Variants in FILIP1L observed in about 807,000 individuals in gnomAD.
The protein encoded by FILIP1L is filamin A-interacting protein 1-like.
Under a neutral mutation model 96.6 loss-of-function variants are expected in FILIP1L, and 55 were observed. The observed-to-expected ratio is 0.57, with a 90% CI of 0.46 to 0.71. FILIP1L has a LOEUF of 0.71. Among genes scored for constraint, FILIP1L ranks in the 30% least tolerant of loss-of-function variants. The pLI is 0.00. For missense variants in FILIP1L, 1,304 were observed against 1,321.2 expected, an observed-to-expected ratio of 0.99 and a Z score of 0.20; for synonymous variants, 467 against 473.9, an observed-to-expected ratio of 0.99 and a Z score of 0.19.
chr3:100,060,484 G>C (rs1373143997), intron 1 of FILIP1L, among the ~76,000 whole-genome samples: 1 of 151,854 alleles, frequency 6.6e-6, no homozygotes, highest in African/African-American at 2.4e-5. Flanking sequence ...CATTAGAATA[G>C]CATCTTCACC....
intron 4 of FILIP1L, among the ~76,000 whole-genome samples, chr3:99,892,215 G>A (rs1706104825): frequency 6.6e-6 from 1 of 152,156 alleles, no homozygotes; most frequent in Non-Finnish European, 1.5e-5. Flanking sequence ...GTTTTTCATA[G>A]TGCACTAGGC....
chr3:99,849,498 A>C lies in FILIP1L; in HGVS notation c.2178T>G (p.Ile726Met). 6.2e-7 allele frequency: 1 copy of C among 1,613,230 alleles called. No individual in the cohort carries two copies. The highest frequency in any genetic ancestry group is 8.5e-7 in the Non-Finnish European group (1 of 1,179,850). Residue 726 changes from isoleucine to methionine, a missense_variant, in exon 5 of 6, where the codon ATT (isoleucine) becomes ATG (methionine). Ile to Met is a conservative substitution (Grantham distance 10). Transcript: ENST00000477258. ...SREVDALKEK[I>M]HEYMATEDLI... ...GGTCTTCAGTTGCCATGTATTCATG[A>C]ATTTTCTCTTTTAATGCATCCACTT...
At chr3:99,852,821 CTCT>C (rs1231012804) in intron 4 of FILIP1L, among the ~76,000 whole-genome samples, 1 of 152,154 alleles carries the variant, frequency 6.6e-6, no homozygotes, top group Non-Finnish European at 1.5e-5. Flanking sequence ...TTCTAATCTG[CTCT>C]TTTCTGTAAT....
At position 100,014,562 on chromosome 3, in the gene FILIP1L, G is replaced by T. The variant is rs144706718; in HGVS notation, c.-10-83532C>A. ...AGATGTGAGGTGATATCTTATTGTG[G>T]TTTTAAATTTTGTTTCCCTGATGTC... is the stretch of plus-strand genomic sequence containing the variant. On this transcript the variant is annotated intron_variant, in intron 1 of 5. Coordinates refer to ENST00000477258, the MANE Select transcript of FILIP1L (RefSeq NM_001387850.1). 4.6e-3 allele frequency among the ~76,000 whole-genome samples: 704 copies of T among 152,040 alleles called. 5 individuals carry two copies. Among genetic ancestry groups the T allele is most frequent in the African/African-American group, 0.016 (671 of 41,484 alleles).
At chr3:99,952,925 T>C (rs1708219238) in intron 1 of FILIP1L, among the ~76,000 whole-genome samples, 1 of 152,146 alleles carries the variant, frequency 6.6e-6, no homozygotes, top group Admixed American at 6.5e-5. Flanking sequence ...GGCAATGGAT[T>C]GTAGATAGTT....
At chr3:99,972,144 G>A (rs1368584460) in intron 1 of FILIP1L, among the ~76,000 whole-genome samples, 1 of 152,184 alleles carries the variant, frequency 6.6e-6, no homozygotes, top group Non-Finnish European at 1.5e-5. Flanking sequence ...AATATAGACT[G>A]ATATGCAAAG....
intron 1 of FILIP1L, among the ~76,000 whole-genome samples, chr3:99,971,972 C>A (rs1243273678): frequency 1.3e-5 from 2 of 152,110 alleles, no homozygotes; most frequent in Non-Finnish European, 2.9e-5. Flanking sequence ...ATGGATTAGT[C>A]ATAAAATTAG....
chr3:99,828,970 T>C lies in FILIP1L; in HGVS notation c.*1444A>G, dbSNP rs768871793. Among the ~76,000 whole-genome samples, 4 of 150,432 alleles carry C rather than the reference T, an allele frequency of 2.7e-5. No homozygotes were observed. Among genetic ancestry groups the C allele is most frequent in the African/African-American group, 5.0e-5 (2 of 40,030 alleles). Reference sequence around the variant, plus strand: ...CCTCTCAATGCTGCCCATCATCCCTTTCAATGCTGCCCAGGCCTCTAGCTC... The same window carrying C: ...CCTCTCAATGCTGCCCATCATCCCTCTCAATGCTGCCCAGGCCTCTAGCTC... On this transcript the variant is annotated 3_prime_UTR_variant, in exon 6 of 6. Transcript: ENST00000477258.
intron 1 of FILIP1L, among the ~76,000 whole-genome samples, chr3:99,981,408 A>C (rs1709119940): frequency 6.6e-6 from 1 of 152,088 alleles, no homozygotes; most frequent in South Asian, 2.1e-4. Flanking sequence ...AGCATCCAAC[A>C]CTTTGCTATA....
chr3:99,969,145 A>C (rs1218434525), intron 1 of FILIP1L, among the ~76,000 whole-genome samples: 1 of 152,118 alleles, frequency 6.6e-6, no homozygotes, highest in Non-Finnish European at 1.5e-5. Flanking sequence ...CTTGACCTGG[A>C]GTAAGAATAC....
chr3:100,004,011 T>C (rs1228996519), intron 1 of FILIP1L, among the ~76,000 whole-genome samples: 2 of 152,166 alleles, frequency 1.3e-5, no homozygotes, highest in East Asian at 1.9e-4. Context: ...TACATGTCTG[T>C]TCCCACCTGC....
chr3:99,891,037 A>T (rs530334331), intron 4 of FILIP1L, among the ~76,000 whole-genome samples: 34 of 150,186 alleles, frequency 2.3e-4, no homozygotes, highest in Middle Eastern at 3.4e-3. Flanking sequence ...GATCTTTGGG[A>T]TTTTTTTCTT....
At chr3:100,075,278 G>A (rs994061846) in intron 1 of FILIP1L, among the ~76,000 whole-genome samples, 2 of 152,264 alleles carry the variant, frequency 1.3e-5, no homozygotes, top group South Asian at 4.1e-4. Context: ...AATGACACAA[G>A]AGAACAATCT....
intron 1 of FILIP1L, among the ~76,000 whole-genome samples, chr3:100,094,378 A>G (rs947779263): frequency 6.6e-6 from 1 of 152,048 alleles, no homozygotes; most frequent in Non-Finnish European, 1.5e-5. Context: ...CAATATCAAG[A>G]TATTATTTTC....
chr3:99,829,845 C>T lies in FILIP1L; in HGVS notation c.*569G>A, dbSNP rs573450047. On this transcript the variant is annotated 3_prime_UTR_variant, in exon 6 of 6. Coordinates refer to ENST00000477258, the MANE Select transcript of FILIP1L (RefSeq NM_001387850.1). ...AGGTATTCTGCACAAAGGATATATT[C>T]GGCTGTTATTCACTTTTGTTATGCT... Among the ~76,000 whole-genome samples the T allele has an allele frequency of 6.6e-6, 1 of 152,076 alleles. No homozygotes were observed. Among genetic ancestry groups the T allele is most frequent in the Non-Finnish European group, 1.5e-5 (1 of 67,998 alleles).
At chr3:99,845,353 A>T (rs1300674575) in intron 5 of FILIP1L, among the ~76,000 whole-genome samples, 1 of 152,206 alleles carries the variant, frequency 6.6e-6, no homozygotes, top group Non-Finnish European at 1.5e-5. Flanking sequence ...GATAGTGGGA[A>T]TGTGAGTAAA....
At chr3:99,889,395 C>A (rs1415457504) in intron 4 of FILIP1L, among the ~76,000 whole-genome samples, 2 of 151,978 alleles carry the variant, frequency 1.3e-5, no homozygotes, top group Non-Finnish European at 2.9e-5. Context: ...GCTATATAAT[C>A]TTTCTTTTAA....
At chr3:100,054,806 CCTCTCTCTCACCATCACTGGTGT>C (rs980207646) in intron 1 of FILIP1L, among the ~76,000 whole-genome samples, 70 of 152,136 alleles carry the variant, frequency 4.6e-4, no homozygotes, top group African/African-American at 1.7e-3. Context: ...AACCTTGCCC[CCTCTCTCTCACCATCACTGGTGT>C]CACAGTTGAG....
chr3:99,949,380 T>C (rs1055052568), intron 1 of FILIP1L, among the ~76,000 whole-genome samples: 1 of 152,260 alleles, frequency 6.6e-6, no homozygotes, highest in Admixed American at 6.5e-5. Context: ...AATATTTAAA[T>C]ATACTTAGGA....
Sources: gnomAD v4.1 joint callset for allele counts (sites outside exome capture counted in the v4.1 genomes callset) on GRCh38, gnomAD v4.1.1 for gene constraint, MANE v1.5 for transcripts, NCBI Gene and HGNC (gene_info 2026-07-23, HGNC 2026-07-21) for gene names.